Variants in PIWIL2 observed in about 807,000 individuals in gnomAD.
The protein encoded by PIWIL2 is piwi-like protein 2.
PIWIL2 carries 81 observed loss-of-function variants against 116.5 expected under a neutral mutation model. That is an observed-to-expected ratio of 0.70 (90% CI 0.58 to 0.84). PIWIL2 has a LOEUF of 0.84. PIWIL2 is among the 40% of genes least tolerant of loss of function. The pLI, the probability that PIWIL2 is intolerant of heterozygous loss-of-function variation, is 0.00. For synonymous variants in PIWIL2, 489 were observed against 429.5 expected, an observed-to-expected ratio of 1.14 and a Z score of -1.71; for missense variants, 1,272 against 1,212.3, an observed-to-expected ratio of 1.05 and a Z score of -0.73.
chr8:22,336,343 T>C (rs1415552355), intron 20 of PIWIL2, among the ~76,000 whole-genome samples: 1 of 152,090 alleles, frequency 6.6e-6, no homozygotes, highest in Non-Finnish European at 1.5e-5. Context: ...AATTCACAAA[T>C]ACATGGAAAT....
Position 22,288,606 on chromosome 8 carries a change from C to CA in PIWIL2, c.929dup (p.Ile311AspfsTer7). 6.2e-7 allele frequency: 1 copy of CA among 1,613,400 alleles called. No individual in the cohort carries two copies. Among genetic ancestry groups the CA allele is most frequent in the Non-Finnish European group, 8.5e-7 (1 of 1,179,358 alleles). ...GAAATCAGCATTAAGATTCAGATGACAAAGATCCTGGAGCCCTGCTCTGAC... is the reference window on the plus strand; with the variant it reads ...GAAATCAGCATTAAGATTCAGATGACAAAAGATCCTGGAGCCCTGCTCTGAC... On this transcript the variant is annotated frameshift_variant, in exon 8 of 23. Transcript: ENST00000356766. LOFTEE classifies it high-confidence loss of function.
chr8:22,279,253 C>A (rs981267912), intron 1 of PIWIL2, 88 bp from the exon 2 acceptor site: 2 of 706,768 alleles, frequency 2.8e-6, no homozygotes, highest in Non-Finnish European at 5.0e-6. Context: ...ACTGGACTGA[C>A]TCAAAATACT....
intron 20 of PIWIL2, among the ~76,000 whole-genome samples, chr8:22,337,591 C>T (rs1832008371): frequency 6.7e-6 from 1 of 150,298 alleles, no homozygotes. Context: ...AATAGCTGGG[C>T]GTGGTGGTGC....
intron 20 of PIWIL2, among the ~76,000 whole-genome samples, chr8:22,341,711 C>T (rs1443291743): frequency 1.3e-5 from 2 of 151,886 alleles, no homozygotes; most frequent in African/African-American, 4.8e-5. Context: ...AAACTAGATG[C>T]TTTCCCCCTA....
At chr8:22,297,510 A>G (rs1830936359) in intron 10 of PIWIL2, among the ~76,000 whole-genome samples, 1 of 151,960 alleles carries the variant, frequency 6.6e-6, no homozygotes, top group South Asian at 2.1e-4. Context: ...TGGCTTTCGA[A>G]GTTTTACTGT....
intron 10 of PIWIL2, among the ~76,000 whole-genome samples, chr8:22,294,644 C>CAAAAAA (rs897494985): frequency 4.4e-4 from 13 of 29,884 alleles, no homozygotes; most frequent in Admixed American, 1.6e-3. Flanking sequence ...GACTCTGTCT[C>CAAAAAA]AAAAAAAAAA....
At chr8:22,276,388 T>C (rs1039904900) in intron 1 of PIWIL2, among the ~76,000 whole-genome samples, 4 of 152,246 alleles carry the variant, frequency 2.6e-5, no homozygotes, top group Admixed American at 2.6e-4. Flanking sequence ...TGATCTCTGC[T>C]CACTGCAACC....
chr8:22,353,517 G>A (rs2132115831), intron 21 of PIWIL2, among the ~76,000 whole-genome samples: 1 of 152,162 alleles, frequency 6.6e-6, no homozygotes, highest in South Asian at 2.1e-4. Context: ...GTGTGATGGT[G>A]TGTGCCTGTA....
chr8:22,347,063 C>T (rs1832243664), intron 20 of PIWIL2, among the ~76,000 whole-genome samples: 1 of 151,192 alleles, frequency 6.6e-6, no homozygotes, highest in South Asian at 2.1e-4. Context: ...CTCAGCTACT[C>T]AGGAGGCTGA....
intron 10 of PIWIL2, among the ~76,000 whole-genome samples, chr8:22,297,420 C>G (rs2132017266): frequency 6.6e-6 from 1 of 152,272 alleles, no homozygotes; most frequent in South Asian, 2.1e-4. Context: ...TGCACCTGGC[C>G]CTTGGTTTAC....
rs1435556695 is a variant in PIWIL2 at position 22,355,771 on chromosome 8, G to A, written c.*266G>A. On this transcript the variant is annotated 3_prime_UTR_variant, in exon 23 of 23. Coordinates refer to ENST00000356766, the MANE Select transcript of PIWIL2 (RefSeq NM_018068.5). ...CTCTGCAGGTGGAGCGGGTGACTCT[G>A]GGGGACCATTAAGACCTCCAGACCG... 1 of 439,328 alleles carries A rather than the reference G, an allele frequency of 2.3e-6. No homozygotes were observed. The highest frequency in any genetic ancestry group is 4.2e-6 in the Non-Finnish European group (1 of 238,500). 27.2% of individuals were successfully genotyped at this position (439,328 alleles called of 1,614,324 possible). A position where few individuals can be genotyped will look rare whatever the true frequency, so the allele number is the denominator to read the frequency against.
At position 22,338,915 on chromosome 8, in the gene PIWIL2, C is replaced by G. The variant is rs141604959; in HGVS notation, c.2404-14044C>G. ...CAAGAACATCTTTAAAAAATACACT[C>G]ACAGTTTCTAATTTCAGAACTTGTT... On this transcript the variant is annotated intron_variant, in intron 20 of 22. Coordinates refer to ENST00000356766, the MANE Select transcript of PIWIL2 (RefSeq NM_018068.5). Among the ~76,000 whole-genome samples, 648 of 152,218 alleles carry G rather than the reference C, an allele frequency of 4.3e-3. 6 individuals carry two copies. Among genetic ancestry groups the G allele is most frequent in the African/African-American group, 0.015 (627 of 41,534 alleles).
At chr8:22,347,171 A>G (rs1366791050) in intron 20 of PIWIL2, among the ~76,000 whole-genome samples, 13 of 128,270 alleles carry the variant, frequency 1.0e-4, no homozygotes, top group Admixed American at 5.9e-4. Context: ...CGTTGTCTCA[A>G]AAAAAAAAAA....
At chr8:22,330,450 G>A (rs1180923188) in intron 20 of PIWIL2, among the ~76,000 whole-genome samples, 1 of 152,074 alleles carries the variant, frequency 6.6e-6, no homozygotes, top group Non-Finnish European at 1.5e-5. Flanking sequence ...TATAATCCCA[G>A]TACTTTGGGA....
At chr8:22,352,664 T>G (rs968860256) in intron 20 of PIWIL2, 3 of 304,750 alleles carry the variant, frequency 9.8e-6, no homozygotes, top group Non-Finnish European at 1.8e-5. Context: ...CAGCATTCCT[T>G]TGAACTTTGT....
intron 14 of PIWIL2, among the ~76,000 whole-genome samples, chr8:22,308,548 G>A (rs1338036230): frequency 6.6e-6 from 1 of 152,092 alleles, no homozygotes; most frequent in Non-Finnish European, 1.5e-5. Context: ...AGCTACTCAG[G>A]AGGCTGAGGT....
At chr8:22,351,032 T>G (rs1462587666) in intron 20 of PIWIL2, among the ~76,000 whole-genome samples, 1 of 151,938 alleles carries the variant, frequency 6.6e-6, no homozygotes, top group African/African-American at 2.4e-5. Context: ...TCCCAGCTAG[T>G]CCCAGCTACT....
intron 10 of PIWIL2, among the ~76,000 whole-genome samples, chr8:22,300,821 C>G (rs1004705295): frequency 1.3e-5 from 2 of 152,094 alleles, no homozygotes; most frequent in African/African-American, 2.4e-5. Context: ...CTGTTCATAT[C>G]TTTTGCCTAT....
chr8:22,276,727 C>T (rs1298663620), intron 1 of PIWIL2, among the ~76,000 whole-genome samples: 12 of 152,086 alleles, frequency 7.9e-5, no homozygotes, highest in Admixed American at 7.9e-4. Context: ...ATGGCAAGAT[C>T]CCGTCTCTAC....
Sources: allele counts gnomAD v4.1 joint callset (sites outside exome capture counted in the v4.1 genomes callset), GRCh38; gene constraint gnomAD v4.1.1; transcripts MANE v1.5; gene names NCBI Gene and HGNC (gene_info 2026-07-23, HGNC 2026-07-21).